The following KHDRBS2 variants were observed in gnomAD, a reference collection of about 807,000 sequenced individuals.
KHDRBS2 encodes KH domain-containing, RNA-binding, signal transduction-associated protein 2.
Under a neutral mutation model 44.3 loss-of-function variants are expected in KHDRBS2, and 26 were observed. That is an observed-to-expected ratio of 0.59 (90% CI 0.43 to 0.81). The LOEUF (loss-of-function observed/expected upper bound fraction) is 0.81. KHDRBS2 is among the 40% of genes least tolerant of loss of function. The pLI, the probability that KHDRBS2 is intolerant of heterozygous loss-of-function variation, is 0.00. For missense variants in KHDRBS2, 476 were observed against 433.1 expected, an observed-to-expected ratio of 1.10 and a Z score of -0.88; for synonymous variants, 194 against 151.1, an observed-to-expected ratio of 1.28 and a Z score of -2.08.
chr6:62,041,351 A>T (rs889941906), intron 3 of KHDRBS2, among the ~76,000 whole-genome samples: 1 of 152,110 alleles, frequency 6.6e-6, no homozygotes, highest in Non-Finnish European at 1.5e-5. Context: ...AGAAAAAAAA[A>T]TTTCAGATCA....
At chr6:61,855,490 G>T (rs201040909) in intron 6 of KHDRBS2, among the ~76,000 whole-genome samples, 1 of 148,882 alleles carries the variant, frequency 6.7e-6, no homozygotes, top group Non-Finnish European at 1.5e-5. Context: ...GTGTGTATAT[G>T]TATATATATA....
chr6:62,275,692 T>C (rs1044780164), intron 1 of KHDRBS2, among the ~76,000 whole-genome samples: 2 of 152,192 alleles, frequency 1.3e-5, no homozygotes, highest in Non-Finnish European at 2.9e-5. Flanking sequence ...AAGCAAGATT[T>C]TGCTATTCCC....
chr6:61,650,838 T>C, the KHDRBS2 span, among the ~76,000 whole-genome samples: 48 of 152,172 alleles, frequency 3.2e-4, no homozygotes, highest in African/African-American at 1.0e-3. Context: ...TGAGGAAAAG[T>C]TTTCTATTGG....
At chr6:62,215,967 G>T (rs1024917171) in intron 1 of KHDRBS2, among the ~76,000 whole-genome samples, 1 of 151,536 alleles carries the variant, frequency 6.6e-6, no homozygotes, top group Non-Finnish European at 1.5e-5. Context: ...CGTGAAGTTG[G>T]TATCACATTC....
chr6:61,808,860 T>C (rs1365647223), intron 6 of KHDRBS2, among the ~76,000 whole-genome samples: 3 of 151,838 alleles, frequency 2.0e-5, no homozygotes, highest in Non-Finnish European at 2.9e-5. Context: ...GATTTTTACA[T>C]GAATTAAAAC....
intron 1 of KHDRBS2, among the ~76,000 whole-genome samples, chr6:62,222,225 G>A (rs1261836115): frequency 6.6e-6 from 1 of 151,710 alleles, no homozygotes. Flanking sequence ...AGTGAGGGAG[G>A]GAGAGAGAGA....
At chr6:62,029,465 A>G (rs150010017) in intron 3 of KHDRBS2, among the ~76,000 whole-genome samples, 1 of 151,970 alleles carries the variant, frequency 6.6e-6, no homozygotes, top group Non-Finnish European at 1.5e-5. Flanking sequence ...TAAATCTAGC[A>G]TATATTATAA....
intron 2 of KHDRBS2, among the ~76,000 whole-genome samples, chr6:62,112,169 C>G (rs1482274074): frequency 6.6e-6 from 1 of 152,090 alleles, no homozygotes; most frequent in Non-Finnish European, 1.5e-5. Flanking sequence ...TTAAATCTCA[C>G]CTTTCATAAT....
At chr6:61,814,084 T>C (rs1328577975) in intron 6 of KHDRBS2, 2 of 455,578 alleles carry the variant, frequency 4.4e-6, no homozygotes, top group Non-Finnish European at 8.8e-6. Flanking sequence ...TGGCTGAAAA[T>C]TTATACTAGC....
chr6:61,596,594 T>C, the KHDRBS2 span, among the ~76,000 whole-genome samples: 5 of 152,294 alleles, frequency 3.3e-5, no homozygotes, highest in East Asian at 7.7e-4. Flanking sequence ...GTTTTATTGC[T>C]CTAAGTAGTT....
At chr6:62,167,458 T>C (rs1006906991) in intron 2 of KHDRBS2, among the ~76,000 whole-genome samples, 8 of 152,116 alleles carry the variant, frequency 5.3e-5, no homozygotes, top group Non-Finnish European at 1.2e-4. Context: ...ATTCTAGACA[T>C]AATACCACTG....
At chr6:62,099,247 C>T (rs1286973221) in intron 2 of KHDRBS2, among the ~76,000 whole-genome samples, 1 of 152,166 alleles carries the variant, frequency 6.6e-6, no homozygotes, top group Non-Finnish European at 1.5e-5. Flanking sequence ...GTATTTATTT[C>T]ACTCTTCAGA....
the KHDRBS2 span, among the ~76,000 whole-genome samples, chr6:61,577,207 T>G: frequency 6.6e-6 from 1 of 152,252 alleles, no homozygotes; most frequent in African/African-American, 2.4e-5. Context: ...GAAATTTATT[T>G]GGAGTAAAAT....
At chr6:61,828,568 G>C (rs995711943) in intron 6 of KHDRBS2, among the ~76,000 whole-genome samples, 1 of 152,148 alleles carries the variant, frequency 6.6e-6, no homozygotes, top group Non-Finnish European at 1.5e-5. Context: ...GTCATTAAAA[G>C]ATATTATTCT....
chr6:62,222,670 T>G (rs1831103961), intron 1 of KHDRBS2, among the ~76,000 whole-genome samples: 1 of 152,142 alleles, frequency 6.6e-6, no homozygotes, highest in African/African-American at 2.4e-5. Flanking sequence ...TCCTTGCATT[T>G]CAAAGTCAAT....
At chr6:61,903,772 A>G (rs763560302) in intron 4 of KHDRBS2, among the ~76,000 whole-genome samples, 4 of 152,150 alleles carry the variant, frequency 2.6e-5, no homozygotes, top group Admixed American at 6.5e-5. Flanking sequence ...GGAAACCCTT[A>G]TGCCACCTGG....
chr6:61,938,325 G>C (rs757886715), intron 4 of KHDRBS2, among the ~76,000 whole-genome samples: 1 of 152,040 alleles, frequency 6.6e-6, no homozygotes, highest in Non-Finnish European at 1.5e-5. Context: ...CTAGAAAAAC[G>C]TATAGATTTA....
At chr6:62,028,163 A>G (rs1047385118) in intron 3 of KHDRBS2, among the ~76,000 whole-genome samples, 2 of 152,126 alleles carry the variant, frequency 1.3e-5, no homozygotes, top group African/African-American at 4.8e-5. Context: ...ATCAGCTGGT[A>G]CTGGGAAAAA....
chr6:62,086,831 G>T (rs1178786351), intron 2 of KHDRBS2, among the ~76,000 whole-genome samples: 1 of 151,828 alleles, frequency 6.6e-6, no homozygotes, highest in African/African-American at 2.4e-5. Context: ...GTTCTAAAGA[G>T]CAATGCAGCC....
Sources: allele counts gnomAD v4.1 joint callset (sites outside exome capture counted in the v4.1 genomes callset), GRCh38; gene constraint gnomAD v4.1.1; transcripts MANE v1.5; gene names NCBI Gene and HGNC (gene_info 2026-07-23, HGNC 2026-07-21).